Variants in SPMIP2 observed in about 807,000 individuals in gnomAD.
SPMIP2 encodes the protein sperm microtubule inner protein 2, also known as protein SPMIP2.
chr4:159,000,946 T>C, the SPMIP2 span, among the ~76,000 whole-genome samples: 4 of 152,248 alleles, frequency 2.6e-5, no homozygotes, highest in African/African-American at 7.2e-5. Context: ...TTTGGGGCTG[T>C]ATAAAGCTGC....
the SPMIP2 span, among the ~76,000 whole-genome samples, chr4:158,985,567 T>C: frequency 6.6e-6 from 1 of 152,210 alleles, no homozygotes; most frequent in African/African-American, 2.4e-5. Context: ...GAAAAGGCCT[T>C]TGAAAAAATT....
the SPMIP2 span, among the ~76,000 whole-genome samples, chr4:159,020,680 G>A: frequency 5.9e-5 from 9 of 152,078 alleles, no homozygotes; most frequent in African/African-American, 1.9e-4. Context: ...TTTTCTTAAG[G>A]CCACAATCAC....
chr4:158,991,356 G>A, the SPMIP2 span, among the ~76,000 whole-genome samples: 3 of 152,188 alleles, frequency 2.0e-5, no homozygotes, highest in Non-Finnish European at 4.4e-5. Flanking sequence ...CCTTCATCTT[G>A]TTCTTAAATC....
the SPMIP2 span, among the ~76,000 whole-genome samples, chr4:158,953,176 C>A: frequency 2.0e-5 from 3 of 152,210 alleles, no homozygotes; most frequent in African/African-American, 4.8e-5. Context: ...TTCATGACAG[C>A]CCCTCCCATC....
At chr4:158,976,953 C>G in the SPMIP2 span, among the ~76,000 whole-genome samples, 1 of 152,012 alleles carries the variant, frequency 6.6e-6, no homozygotes, top group Non-Finnish European at 1.5e-5. Context: ...AGCCACCGCA[C>G]CTAGCCAGAT....
the SPMIP2 span, among the ~76,000 whole-genome samples, chr4:158,939,305 A>G: frequency 6.6e-6 from 1 of 152,222 alleles, no homozygotes; most frequent in African/African-American, 2.4e-5. Flanking sequence ...AATATACACA[A>G]AAAAGACAAA....
the SPMIP2 span, among the ~76,000 whole-genome samples, chr4:158,924,249 T>C: frequency 6.6e-6 from 1 of 152,204 alleles, no homozygotes; most frequent in Non-Finnish European, 1.5e-5. Flanking sequence ...GCAAGCAAAC[T>C]AATACAGTCA....
At chr4:158,952,908 G>A in the SPMIP2 span, among the ~76,000 whole-genome samples, 131 of 152,246 alleles carry the variant, frequency 8.6e-4, 3 homozygotes, top group South Asian at 2.1e-3. Context: ...ATGATTTAGC[G>A]TATCTGGTGG....
chr4:159,046,961 A>G, the SPMIP2 span, among the ~76,000 whole-genome samples: 1 of 152,216 alleles, frequency 6.6e-6, no homozygotes, highest in Non-Finnish European at 1.5e-5. Flanking sequence ...TGATCGATCC[A>G]TAAGAGGTGT....
chr4:159,023,007 C>T, the SPMIP2 span, among the ~76,000 whole-genome samples: 12 of 150,904 alleles, frequency 8.0e-5, no homozygotes, highest in Middle Eastern at 0.027. Flanking sequence ...TCCAGCTTGG[C>T]GACAGAGCGA....
At chr4:158,955,466 A>G in the SPMIP2 span, among the ~76,000 whole-genome samples, 1 of 152,156 alleles carries the variant, frequency 6.6e-6, no homozygotes, top group Non-Finnish European at 1.5e-5. Flanking sequence ...GTGCAGTTCC[A>G]TGATCTCAGC....
chr4:159,005,954 A>C, the SPMIP2 span, among the ~76,000 whole-genome samples: 1 of 152,102 alleles, frequency 6.6e-6, no homozygotes, highest in Non-Finnish European at 1.5e-5. Flanking sequence ...TAGTAGAGAC[A>C]GAGTTTCGCC....
chr4:158,955,452 T>C, the SPMIP2 span, among the ~76,000 whole-genome samples: 1 of 152,238 alleles, frequency 6.6e-6, no homozygotes, highest in Non-Finnish European at 1.5e-5. Flanking sequence ...TCACCCAGGC[T>C]GGAGTGCAGT....
chr4:158,915,393 A>G, the SPMIP2 span: 6 of 1,543,264 alleles, frequency 3.9e-6, no homozygotes, highest in Non-Finnish European at 4.4e-6. Context: ...TGAAATGGAA[A>G]AGAGCTAGAA....
the SPMIP2 span, among the ~76,000 whole-genome samples, chr4:159,039,137 C>A: frequency 8.5e-5 from 13 of 152,132 alleles, no homozygotes; most frequent in African/African-American, 2.9e-4. Flanking sequence ...TGGTGTCTCA[C>A]CATGTTGGCC....
At chr4:159,059,965 T>C in the SPMIP2 span, among the ~76,000 whole-genome samples, 1 of 152,144 alleles carries the variant, frequency 6.6e-6, no homozygotes, top group East Asian at 1.9e-4. Flanking sequence ...GGGAGGCATA[T>C]GCAGCTCTAA....
chr4:159,068,695 A>T, the SPMIP2 span, among the ~76,000 whole-genome samples: 16 of 151,672 alleles, frequency 1.1e-4, no homozygotes, highest in South Asian at 2.1e-4. Flanking sequence ...AAAAAATAAA[A>T]AAATAAAAAA....
chr4:158,993,575 T>C, the SPMIP2 span, among the ~76,000 whole-genome samples: 1 of 152,168 alleles, frequency 6.6e-6, no homozygotes, highest in Non-Finnish European at 1.5e-5. Flanking sequence ...CACTGATTTA[T>C]TCATTTATTC....
chr4:159,034,609 G>A, the SPMIP2 span, among the ~76,000 whole-genome samples: 4 of 152,204 alleles, frequency 2.6e-5, no homozygotes, highest in Non-Finnish European at 1.5e-5. Flanking sequence ...AATGTAGGTG[G>A]GTTGGGCATG....
Sources: gnomAD v4.1 joint callset for allele counts (sites outside exome capture counted in the v4.1 genomes callset) on GRCh38, gnomAD v4.1.1 for gene constraint, MANE v1.5 for transcripts, NCBI Gene and HGNC (gene_info 2026-07-23, HGNC 2026-07-21) for gene names.